The following SETD5 variants were observed in gnomAD, a reference collection of about 807,000 sequenced individuals.
SETD5 encodes SET domain containing 5.
SETD5 carries 44 observed loss-of-function variants against 153.3 expected under a neutral mutation model. The ratio of observed to expected loss-of-function variants is 0.29; its 90% CI spans 0.23 to 0.37. The LOEUF (loss-of-function observed/expected upper bound fraction) is 0.37, where lower values mean the gene tolerates loss of function less well. SETD5 is among the 10% of genes least tolerant of loss of function. The pLI is 1.00. For missense variants in SETD5, 1,544 were observed against 1,768.0 expected (o/e 0.87, Z 2.27); for synonymous variants, 716 against 645.2 (o/e 1.11, Z -1.66).
At chr3:9,404,501 T>C (rs1271896665) in intron 1 of SETD5, among the ~76,000 whole-genome samples, 1 of 152,230 alleles carries the variant, frequency 6.6e-6, no homozygotes, top group Non-Finnish European at 1.5e-5. Context: ...AGCTATATTT[T>C]ATATTACTAC....
chr3:9,405,250 T>C (rs1559344203), intron 1 of SETD5, among the ~76,000 whole-genome samples: 2 of 152,234 alleles, frequency 1.3e-5, no homozygotes, highest in African/African-American at 4.8e-5. Flanking sequence ...CAGATGCCAC[T>C]GTATTATTAG....
chr3:9,425,055 C>CTTTTTTTTT lies in SETD5; in HGVS notation c.-117+544_-117+552dup, dbSNP rs778883904. On this transcript the variant is annotated intron_variant, in intron 2 of 22. Coordinates refer to ENST00000402198, the MANE Select transcript of SETD5 (RefSeq NM_001080517.3). Reference sequence around the variant, plus strand: ...AAATTTATAGTTACCGACAATGTTTCTTTTTTTTTTTTTTTTTTTTTTTGA... The same window carrying CTTTTTTTTT: ...AAATTTATAGTTACCGACAATGTTTCTTTTTTTTTTTTTTTTTTTTTTTTTTTTTTTTGA... Among the ~76,000 whole-genome samples, 137 of 83,634 alleles carry CTTTTTTTTT rather than the reference C, an allele frequency of 1.6e-3. 3 individuals carry two copies. Among genetic ancestry groups the CTTTTTTTTT allele is most frequent in the Non-Finnish European group, 2.1e-3 (92 of 43,586 alleles). The allele number at this position is 83,634 out of a possible 152,430, so 54.9% of individuals were successfully genotyped here.
Position 9,434,982 on chromosome 3 carries a change from C to A in SETD5, c.388+100C>A, listed in dbSNP as rs1027064976. On this transcript the variant is annotated intron_variant, in intron 6 of 22. Coordinates refer to ENST00000402198, the MANE Select transcript of SETD5 (RefSeq NM_001080517.3). The surrounding 1 kb of genome is among the most constrained non-coding windows in gnomAD (Gnocchi z 5.6). Reference sequence around the variant, plus strand: ...CCTCTTGGCCAGGCGCAGTGGCTTACGCCTGTAATCTCACCACTTAGGGAG... The same window carrying A: ...CCTCTTGGCCAGGCGCAGTGGCTTAAGCCTGTAATCTCACCACTTAGGGAG... 7 of 1,372,140 alleles carry A rather than the reference C, an allele frequency of 5.1e-6. No individual in the cohort carries two copies. The Admixed American group carries it at 1.4e-4, about 27-fold the overall frequency. The allele number at this position is 1,372,140 out of a possible 1,614,324, so 85.0% of individuals were successfully genotyped here. A position where few individuals can be genotyped will look rare whatever the true frequency, so the allele number is the denominator to read the frequency against.
chr3:9,452,919 A>G (rs1216972802), intron 16 of SETD5, among the ~76,000 whole-genome samples: 1 of 152,164 alleles, frequency 6.6e-6, no homozygotes, highest in African/African-American at 2.4e-5. Context: ...TGAGCAACCT[A>G]CAACTGTATA....
chr3:9,461,679 C>T (rs1012413712), intron 17 of SETD5, among the ~76,000 whole-genome samples: 1 of 152,142 alleles, frequency 6.6e-6, no homozygotes, highest in African/African-American at 2.4e-5. Context: ...ATAATAAGTA[C>T]TCAGTAAATA....
In SETD5 at chr3:9,465,700, C is replaced by G. The variant is rs534981644; in HGVS notation, c.2724+1028C>G. Reference sequence around the variant, plus strand: ...TATTCTTTCTTACCCTAGACCTCTACTTTTGGAGCAGACCTCTTTCTGGGT... The same window carrying G: ...TATTCTTTCTTACCCTAGACCTCTAGTTTTGGAGCAGACCTCTTTCTGGGT... On this transcript the variant is annotated intron_variant, in intron 18 of 22. Transcript: ENST00000402198. Among the ~76,000 whole-genome samples the G allele has an allele frequency of 4.6e-5, 7 of 152,364 alleles. No homozygotes were observed. In the East Asian group the frequency reaches 1.4e-3, roughly 29 times the overall value.
At chr3:9,431,945 G>A (rs539159845) in intron 3 of SETD5, 23 of 154,472 alleles carry the variant, frequency 1.5e-4, no homozygotes, top group African/African-American at 4.6e-4. Context: ...TGTTTATCTA[G>A]TAATGTACCT....
At chr3:9,459,263 G>A (rs79364135) in intron 17 of SETD5, among the ~76,000 whole-genome samples, 2 of 151,996 alleles carry the variant, frequency 1.3e-5, no homozygotes, top group African/African-American at 2.4e-5. Context: ...AAAACTATAG[G>A]TTAAAAATAA....
At chr3:9,468,233 TCTAA>T (rs1274050363) in intron 18 of SETD5, among the ~76,000 whole-genome samples, 1 of 152,048 alleles carries the variant, frequency 6.6e-6, no homozygotes, top group Non-Finnish European at 1.5e-5. Context: ...ATTTCACCAG[TCTAA>T]CTCTTTCCTT....
chr3:9,413,367 T>A (rs4258956), intron 1 of SETD5, among the ~76,000 whole-genome samples: 8,041 of 152,240 alleles, frequency 0.053, 332 homozygotes, highest in Admixed American at 0.12. Flanking sequence ...TAGGTAACAT[T>A]TTATGATATG....
chr3:9,436,871 A>C, intron 7 of SETD5: 1 of 1,550,340 alleles, frequency 6.5e-7, no homozygotes, highest in Non-Finnish European at 8.7e-7. Flanking sequence ...GGGATCCCGG[A>C]AGTCCTTGCG....
chr3:9,452,394 C>T (rs774009731), intron 16 of SETD5, among the ~76,000 whole-genome samples: 3 of 152,138 alleles, frequency 2.0e-5, no homozygotes, highest in Non-Finnish European at 4.4e-5. Context: ...CTCTTCTAAG[C>T]TTTAAGGCTA....
chr3:9,444,424 A>G (rs980132938), intron 11 of SETD5, among the ~76,000 whole-genome samples: 1 of 152,210 alleles, frequency 6.6e-6, no homozygotes, highest in South Asian at 2.1e-4. Context: ...AAAAGTGAGG[A>G]CATGGTAATC....
intron 15 of SETD5, 45 bp from the exon 16 acceptor site, chr3:9,448,342 CT>C: frequency 2.5e-6 from 4 of 1,598,032 alleles, no homozygotes; most frequent in Non-Finnish European, 3.4e-6. Context: ...ATGAACTACA[CT>C]GCTACCTCTT....
chr3:9,464,396 A>G (rs1575571444), intron 17 of SETD5, 29 bp from the exon 18 acceptor site: 8 of 1,593,350 alleles, frequency 5.0e-6, no homozygotes, highest in Non-Finnish European at 6.9e-6. Context: ...TGTGGTTTCA[A>G]ACTCTCATCC....
At position 9,474,464 on chromosome 3, in the gene SETD5, A is replaced by G; in HGVS notation, c.3513A>G (p.Ser1171=). Residue 1171 remains serine (S), a synonymous_variant, in exon 21 of 23, where the codon TCA becomes TCG. Transcript: ENST00000402198. ...NISSRWMVPT[S]VERLREGGSI... ...GCCTTTACAGGATGGTTCCCACATC[A>G]GTAGAACGACTCCGAGAAGGAGGGA... 6 of 1,613,908 alleles carry G rather than the reference A, an allele frequency of 3.7e-6. No homozygotes were observed. The highest frequency in any genetic ancestry group is 5.1e-6 in the Non-Finnish European group (6 of 1,179,838).
chr3:9,463,637 T>C (rs2044232368), intron 17 of SETD5, among the ~76,000 whole-genome samples: 1 of 152,186 alleles, frequency 6.6e-6, no homozygotes, highest in Non-Finnish European at 1.5e-5. Flanking sequence ...AATCATTTCA[T>C]GCTTTTTAGG....
At chr3:9,461,236 C>A (rs556801479) in intron 17 of SETD5, among the ~76,000 whole-genome samples, 4 of 151,830 alleles carry the variant, frequency 2.6e-5, no homozygotes, top group Non-Finnish European at 4.4e-5. Context: ...GCCATTTGTT[C>A]TAATAGCAAA....
Position 9,434,337 on chromosome 3 carries a change from A to G in SETD5, c.181A>G (p.Ile61Val). ...TCCTGCTTCTCCCCCTGTCCAGACGATCATCCCTCGTTCTGACCTGAATGG... is the reference window on the plus strand; with the variant it reads ...TCCTGCTTCTCCCCCTGTCCAGACGGTCATCCCTCGTTCTGACCTGAATGG... The part of the protein sequence containing the change: ...HGCRGLPYAT[I>V]IPRSDLNGLP... The change falls in exon 5 of 23, where the codon ATC (isoleucine) becomes GTC (valine). Residue 61 changes from isoleucine (I) to valine (V), a missense_variant. Physicochemically the swap from Ile to Val is conservative, Grantham distance 29. Coordinates refer to ENST00000402198, the MANE Select transcript of SETD5 (RefSeq NM_001080517.3). The surrounding 1 kb of genome is among the most constrained non-coding windows in gnomAD (Gnocchi z 5.6). 6.2e-7 allele frequency: 1 copy of G among 1,613,808 alleles called. No homozygotes were observed. The highest frequency in any genetic ancestry group is 8.5e-7 in the Non-Finnish European group (1 of 1,179,766).
Sources: allele counts gnomAD v4.1 joint callset (sites outside exome capture counted in the v4.1 genomes callset), GRCh38; gene constraint gnomAD v4.1.1; non-coding constraint Gnocchi (gnomAD v3.1); transcripts MANE v1.5; gene names NCBI Gene and HGNC (gene_info 2026-07-23, HGNC 2026-07-21).